Variants in DLG2 observed in about 807,000 individuals in gnomAD.
DLG2 encodes disks large homolog 2.
A neutral mutation model predicts 132.5 loss-of-function variants in DLG2; 45 were observed. The ratio of observed to expected loss-of-function variants is 0.34; its 90% CI spans 0.27 to 0.44. DLG2 has a LOEUF of 0.44. DLG2 is among the 20% of genes least tolerant of loss of function. The pLI is 1.00. For missense variants in DLG2, 1,045 were observed against 1,196.9 expected, an observed-to-expected ratio of 0.87 and a Z score of 1.87; for synonymous variants, 424 against 419.6, an observed-to-expected ratio of 1.01 and a Z score of -0.13.
intron 3 of DLG2, among the ~76,000 whole-genome samples, chr11:85,428,132 C>A (rs2090905785): frequency 6.6e-6 from 1 of 152,140 alleles, no homozygotes; most frequent in Non-Finnish European, 1.5e-5. Context: ...TAAAGCAAGT[C>A]CTGAGAGACC....
chr11:83,540,730 T>C (rs2096042588), intron 20 of DLG2, among the ~76,000 whole-genome samples: 1 of 152,204 alleles, frequency 6.6e-6, no homozygotes, highest in Non-Finnish European at 1.5e-5. Flanking sequence ...ACTGGGAATA[T>C]TTTACAAAGG....
intron 6 of DLG2, chr11:84,997,496 C>A (rs965604879): frequency 7.2e-5 from 11 of 152,158 alleles, no homozygotes; most frequent in African/African-American, 2.4e-4. Context: ...GAAACGCTTA[C>A]TCTCTAAGGT....
intron 3 of DLG2, among the ~76,000 whole-genome samples, chr11:85,521,044 T>A (rs1171079983): frequency 6.6e-6 from 1 of 152,176 alleles, no homozygotes; most frequent in African/African-American, 2.4e-5. Context: ...AGTTTCCGCA[T>A]AGCAAAGAAA....
rs574167292 is a variant in DLG2, at chr11:85,468,968, C to A, written c.40+129689G>T. ...CCACTGTTCCCTGCCTGTCAGATTT[C>A]TGACATAATCTTGCAAAGGTGGTTT... On this transcript the variant is annotated intron_variant, in intron 3 of 27. Transcript: ENST00000376104. 7.9e-5 allele frequency among the ~76,000 whole-genome samples: 12 copies of A among 152,246 alleles called. No individual in the cohort carries two copies. In the South Asian group the frequency reaches 2.1e-3, roughly 26 times the overall value.
intron 6 of DLG2, among the ~76,000 whole-genome samples, chr11:84,639,452 G>A (rs963771249): frequency 6.7e-6 from 1 of 149,152 alleles, no homozygotes; most frequent in Non-Finnish European, 1.5e-5. Flanking sequence ...ACAAATAATA[G>A]CTGTTGCCAT....
chr11:84,589,368 G>A (rs1243259920), intron 6 of DLG2, among the ~76,000 whole-genome samples: 1 of 152,106 alleles, frequency 6.6e-6, no homozygotes, highest in African/African-American at 2.4e-5. Context: ...AGACCATAGA[G>A]TTTTAAGCAA....
chr11:83,858,856 T>C (rs2060975710), intron 16 of DLG2, among the ~76,000 whole-genome samples: 1 of 152,192 alleles, frequency 6.6e-6, no homozygotes, highest in Admixed American at 6.6e-5. Flanking sequence ...TTTGCTAGCA[T>C]TGACATATTG....
chr11:85,520,416 T>C (rs907226305), intron 3 of DLG2, among the ~76,000 whole-genome samples: 6 of 152,004 alleles, frequency 3.9e-5, no homozygotes, highest in African/African-American at 9.7e-5. Flanking sequence ...ATAACCTTTC[T>C]ACCCAAAGAA....
At chr11:84,391,157 C>T (rs2098791304) in intron 7 of DLG2, among the ~76,000 whole-genome samples, 1 of 152,114 alleles carries the variant, frequency 6.6e-6, no homozygotes, top group Admixed American at 6.6e-5. Context: ...CCCAAATACT[C>T]ATCAGTAGGA....
chr11:84,781,681 C>T (rs953854419), intron 6 of DLG2, among the ~76,000 whole-genome samples: 2 of 152,038 alleles, frequency 1.3e-5, no homozygotes, highest in South Asian at 2.1e-4. Context: ...CTCTGACAAC[C>T]GCAGTAGTTA....
Position 83,790,645 on chromosome 11 carries a change from G to A in DLG2, c.1723-3853C>T. 2 of 1,183,450 alleles carry A rather than the reference G, an allele frequency of 1.7e-6. 1 individual carries two copies. Among genetic ancestry groups the A allele is most frequent in the Admixed American group, 3.4e-5 (2 of 59,248 alleles). The allele number at this position is 1,183,450 out of a possible 1,614,324, so 73.3% of individuals were successfully genotyped here. On this transcript the variant is annotated intron_variant, in intron 17 of 27. Coordinates refer to ENST00000376104, the MANE Select transcript of DLG2 (RefSeq NM_001142699.3). ...TTATTTTGCATTGGAGGTAGCAATG[G>A]TGAGAGTGGAGGGACATGATGCGGA...
At chr11:83,791,796 C>T (rs571749131) in intron 17 of DLG2, among the ~76,000 whole-genome samples, 1 of 152,328 alleles carries the variant, frequency 6.6e-6, no homozygotes, top group Admixed American at 6.5e-5. Flanking sequence ...CGCTTCCTCT[C>T]CCAGGACCGG....
At chr11:84,830,342 T>C (rs947771718) in intron 6 of DLG2, among the ~76,000 whole-genome samples, 6 of 150,562 alleles carry the variant, frequency 4.0e-5, no homozygotes, top group Middle Eastern at 3.2e-3. Context: ...TCTGTCTAAA[T>C]GAAATTTTGA....
chr11:84,988,996 G>A (rs559378862), intron 6 of DLG2, among the ~76,000 whole-genome samples: 92 of 151,922 alleles, frequency 6.1e-4, no homozygotes, highest in Middle Eastern at 6.8e-3. Context: ...TAATGAGTTC[G>A]GCAAGGTCAG....
At chr11:84,637,652 G>A (rs1000500894) in intron 6 of DLG2, among the ~76,000 whole-genome samples, 7 of 152,194 alleles carry the variant, frequency 4.6e-5, no homozygotes, top group African/African-American at 1.7e-4. Flanking sequence ...CAGATTCAGA[G>A]CAAAGCAATG....
chr11:85,078,691 G>A (rs1392874990), intron 6 of DLG2, among the ~76,000 whole-genome samples: 2 of 151,870 alleles, frequency 1.3e-5, no homozygotes, highest in Non-Finnish European at 2.9e-5. Flanking sequence ...GGAGAGAGAG[G>A]AATGGTCTTG....
At chr11:85,509,174 C>T (rs999583636) in intron 3 of DLG2, among the ~76,000 whole-genome samples, 27 of 151,432 alleles carry the variant, frequency 1.8e-4, no homozygotes, top group Non-Finnish European at 3.7e-4. Context: ...AATCACGGTT[C>T]AAGGAATCCC....
At chr11:83,973,966 G>A (rs1225231734) in intron 12 of DLG2, among the ~76,000 whole-genome samples, 1 of 151,942 alleles carries the variant, frequency 6.6e-6, no homozygotes, top group Non-Finnish European at 1.5e-5. Flanking sequence ...TTCTAACTGA[G>A]TTCTAACTTT....
chr11:85,575,323 C>T (rs1339096661), intron 3 of DLG2, among the ~76,000 whole-genome samples: 1 of 151,630 alleles, frequency 6.6e-6, no homozygotes, highest in African/African-American at 2.4e-5. Context: ...ATCACTTGAG[C>T]CTGAGAGTTG....
Sources: gnomAD v4.1 joint callset for allele counts (sites outside exome capture counted in the v4.1 genomes callset) on GRCh38, gnomAD v4.1.1 for gene constraint, MANE v1.5 for transcripts, NCBI Gene and HGNC (gene_info 2026-07-23, HGNC 2026-07-21) for gene names.